Variants in CNTN5 observed in about 807,000 individuals in gnomAD.
The protein encoded by CNTN5 is contactin-5.
Under a neutral mutation model 129.1 loss-of-function variants are expected in CNTN5, and 77 were observed. The observed-to-expected ratio is 0.60, with a 90% CI of 0.50 to 0.72. CNTN5 has a LOEUF of 0.72. Ranked by LOEUF, CNTN5 falls within the 30% of genes least tolerant of loss-of-function variation. CNTN5 has a pLI of 0.00. For missense variants in CNTN5, 1,478 were observed against 1,328.8 expected, an observed-to-expected ratio of 1.11 and a Z score of -1.75; for synonymous variants, 509 against 465.6, an observed-to-expected ratio of 1.09 and a Z score of -1.20.
intron 2 of CNTN5, among the ~76,000 whole-genome samples, chr11:99,508,623 G>C (rs1461483028): frequency 6.6e-6 from 1 of 151,974 alleles, no homozygotes; most frequent in Non-Finnish European, 1.5e-5. Flanking sequence ...TAAAAACGTA[G>C]GCTTTTATAT....
At chr11:99,735,018 C>CAA (rs1408653682) in intron 3 of CNTN5, among the ~76,000 whole-genome samples, 1 of 152,084 alleles carries the variant, frequency 6.6e-6, no homozygotes. Flanking sequence ...AAAACAAAAA[C>CAA]AAAAACAAAA....
intron 2 of CNTN5, among the ~76,000 whole-genome samples, chr11:99,416,912 A>T (rs1421895494): frequency 1.3e-5 from 2 of 152,122 alleles, no homozygotes; most frequent in Non-Finnish European, 2.9e-5. Context: ...ACTTACTCAT[A>T]TCAGGACTCC....
chr11:100,079,095 C>A (rs369733440), intron 13 of CNTN5, among the ~76,000 whole-genome samples: 2 of 152,126 alleles, frequency 1.3e-5, no homozygotes, highest in Non-Finnish European at 2.9e-5. Flanking sequence ...TTCCCTATCA[C>A]GAGAACAGCG....
intron 3 of CNTN5, among the ~76,000 whole-genome samples, chr11:99,765,270 A>G (rs1375824156): frequency 6.6e-6 from 1 of 151,980 alleles, no homozygotes; most frequent in Non-Finnish European, 1.5e-5. Flanking sequence ...AATAGTAAAT[A>G]TCACTATGTT....
chr11:99,869,368 G>C (rs1013439252), intron 6 of CNTN5, among the ~76,000 whole-genome samples: 6 of 152,102 alleles, frequency 3.9e-5, no homozygotes, highest in Admixed American at 3.3e-4. Flanking sequence ...TTGTGTTATA[G>C]ATTGTTGGGT....
intron 17 of CNTN5, among the ~76,000 whole-genome samples, chr11:100,263,341 A>T (rs887358368): frequency 2.6e-5 from 4 of 152,196 alleles, no homozygotes; most frequent in Non-Finnish European, 5.9e-5. Context: ...TTATGAGGGT[A>T]AAGTGGTTCA....
chr11:99,747,607 C>G (rs1057149561), intron 3 of CNTN5, among the ~76,000 whole-genome samples: 18 of 151,772 alleles, frequency 1.2e-4, no homozygotes, highest in African/African-American at 4.4e-4. Context: ...GTAGGTGGGA[C>G]TACAGGCGCC....
chr11:99,693,972 C>T (rs1954150197), intron 3 of CNTN5, among the ~76,000 whole-genome samples: 1 of 151,970 alleles, frequency 6.6e-6, no homozygotes, highest in African/African-American at 2.4e-5. Flanking sequence ...AATGTATAAA[C>T]ATTCAGATCT....
intron 13 of CNTN5, among the ~76,000 whole-genome samples, chr11:100,131,101 T>G (rs958505518): frequency 6.6e-6 from 1 of 150,766 alleles, no homozygotes; most frequent in Admixed American, 6.6e-5. Flanking sequence ...GGTAAGAAAA[T>G]TAAGCACGGG....
At chr11:100,006,425 C>A (rs147451775) in intron 9 of CNTN5, among the ~76,000 whole-genome samples, 1 of 152,268 alleles carries the variant, frequency 6.6e-6, no homozygotes, top group Non-Finnish European at 1.5e-5. Context: ...AACTCTGCCA[C>A]CACTTTGTCA....
At chr11:100,143,397 A>C (rs1298778304) in intron 13 of CNTN5, among the ~76,000 whole-genome samples, 1 of 152,186 alleles carries the variant, frequency 6.6e-6, no homozygotes. Flanking sequence ...TCTTCCTACT[A>C]GTCAACTCTA....
At chr11:99,960,967 C>T (rs867112513) in intron 8 of CNTN5, among the ~76,000 whole-genome samples, 1 of 152,070 alleles carries the variant, frequency 6.6e-6, no homozygotes, top group South Asian at 2.1e-4. Context: ...TTTTGGGAGG[C>T]CGTGGCGAGC....
Position 99,977,180 on chromosome 11 carries a change from T to C in CNTN5, c.877+20171T>C, listed in dbSNP as rs966590060. Among the ~76,000 whole-genome samples the C allele has an allele frequency of 2.0e-5, 3 of 152,176 alleles. 1 individual carries two copies. Among genetic ancestry groups the C allele is most frequent in the South Asian group, 4.1e-4 (2 of 4,828 alleles). ...ATAGCATGAGTTACCTTTGCACCAG[T>C]TCTCAATAAGTTCCTCAACTCTATC... On this transcript the variant is annotated intron_variant, in intron 8 of 24. Transcript: ENST00000524871.
chr11:99,294,837 A>G (rs1864314495), intron 1 of CNTN5, among the ~76,000 whole-genome samples: 1 of 152,188 alleles, frequency 6.6e-6, no homozygotes, highest in African/African-American at 2.4e-5. Flanking sequence ...TGATTGGCAG[A>G]ATTCTGAAGT....
chr11:99,211,684 C>T (rs1224943106), intron 1 of CNTN5, among the ~76,000 whole-genome samples: 1 of 151,244 alleles, frequency 6.6e-6, no homozygotes, highest in African/African-American at 2.4e-5. Context: ...ACCCTTTTTT[C>T]CAGCAGATTT....
chr11:100,127,183 A>T (rs1946216250), intron 13 of CNTN5, among the ~76,000 whole-genome samples: 1 of 134,264 alleles, frequency 7.4e-6, no homozygotes, highest in Non-Finnish European at 1.5e-5. Context: ...CAATCTATCC[A>T]CTCACGTTGG....
At chr11:99,473,414 G>A (rs1945250147) in intron 2 of CNTN5, among the ~76,000 whole-genome samples, 1 of 152,116 alleles carries the variant, frequency 6.6e-6, no homozygotes, top group African/African-American at 2.4e-5. Context: ...AAATACTACA[G>A]AAGTAATTTA....
intron 2 of CNTN5, among the ~76,000 whole-genome samples, chr11:99,499,736 T>G (rs900010849): frequency 6.6e-6 from 1 of 152,252 alleles, no homozygotes; most frequent in African/African-American, 2.4e-5. Context: ...ACACATGTCA[T>G]ATTTCCTTTT....
At chr11:100,188,158 GGCCA>G (rs1375204217) in intron 13 of CNTN5, among the ~76,000 whole-genome samples, 1 of 152,212 alleles carries the variant, frequency 6.6e-6, no homozygotes, top group East Asian at 1.9e-4. Flanking sequence ...ACATACAAGA[GGCCA>G]GCCAGGTGCA....
Sources: gnomAD v4.1 joint callset for allele counts (sites outside exome capture counted in the v4.1 genomes callset) on GRCh38, gnomAD v4.1.1 for gene constraint, MANE v1.5 for transcripts, NCBI Gene and HGNC (gene_info 2026-07-23, HGNC 2026-07-21) for gene names.